The following NFX1 variants were observed in gnomAD, a reference collection of about 807,000 sequenced individuals.
NFX1 encodes nuclear transcription factor, X-box binding 1.
In NFX1, 69 loss-of-function variants were observed where a neutral mutation model predicts 137.2. The ratio of observed to expected loss-of-function variants is 0.50; its 90% CI spans 0.41 to 0.61. NFX1 has a LOEUF of 0.61. Ranked by LOEUF, NFX1 falls within the 20% of genes least tolerant of loss-of-function variation. The probability of loss-of-function intolerance (pLI) is 0.00; values close to 1 mark genes in which losing one functional copy is unlikely to be tolerated. For synonymous variants in NFX1, 495 were observed against 474.1 expected (o/e 1.04, Z -0.57); for missense variants, 1,167 against 1,391.0 (o/e 0.84, Z 2.56).
At chr9:33,343,249 ATTTATC>A (rs1823293524) in intron 13 of NFX1, among the ~76,000 whole-genome samples, 3 of 152,290 alleles carry the variant, frequency 2.0e-5, no homozygotes, top group Admixed American at 1.3e-4. Flanking sequence ...TGTGAATTGT[ATTTATC>A]TTTATCTACC....
chr9:33,342,132 A>T (rs1335488802), intron 12 of NFX1, among the ~76,000 whole-genome samples: 3 of 147,888 alleles, frequency 2.0e-5, no homozygotes, highest in African/African-American at 5.1e-5. Context: ...TCTCTCTCAC[A>T]CACACACACA....
rs113334795 is a variant in NFX1 at position 33,313,113 on chromosome 9, G to T, written c.1449-541G>T. On this transcript the variant is annotated intron_variant, in intron 6 of 23. Coordinates refer to ENST00000379540, the MANE Select transcript of NFX1 (RefSeq NM_002504.6). ...CTGTGGAAGCTCCAGGCAGAGCTAGGACCAGAACCCAGATCTTCTAACTCC... is the reference window on the plus strand; with the variant it reads ...CTGTGGAAGCTCCAGGCAGAGCTAGTACCAGAACCCAGATCTTCTAACTCC... Among the ~76,000 whole-genome samples, 3 of 152,226 alleles carry T rather than the reference G, an allele frequency of 2.0e-5. 1 individual carries two copies. The highest frequency in any genetic ancestry group is 7.2e-5 in the African/African-American group (3 of 41,506).
chr9:33,302,934 C>T (rs1460651854), intron 3 of NFX1, among the ~76,000 whole-genome samples: 1 of 147,034 alleles, frequency 6.8e-6, no homozygotes, highest in African/African-American at 2.5e-5. Flanking sequence ...TCACAAAGCG[C>T]TGGGATTATA....
intron 18 of NFX1, 135 bp downstream of exon 18, chr9:33,354,322 G>A (rs941521638): frequency 4.1e-6 from 3 of 728,236 alleles, no homozygotes; most frequent in South Asian, 1.9e-5. Context: ...ACAATTTGAT[G>A]TTGAGACATC....
At position 33,356,729 on chromosome 9, in the gene NFX1, C is replaced by T. The variant is rs115836298; in HGVS notation, c.2873+1837C>T. 4.6e-3 allele frequency among the ~76,000 whole-genome samples: 705 copies of T among 152,128 alleles called. 6 individuals carry two copies. Among genetic ancestry groups the T allele is most frequent in the African/African-American group, 0.016 (684 of 41,500 alleles). Reference sequence around the variant, plus strand: ...TTTTTCCACGTGAATATCCATTTGACGAGTACCAAGATTGTCCTTTTCCCA... The same window carrying T: ...TTTTTCCACGTGAATATCCATTTGATGAGTACCAAGATTGTCCTTTTCCCA... On this transcript the variant is annotated intron_variant, in intron 19 of 23. Transcript: ENST00000379540.
At chr9:33,363,465 G>A (rs1487860754) in intron 19 of NFX1, among the ~76,000 whole-genome samples, 2 of 151,716 alleles carry the variant, frequency 1.3e-5, no homozygotes, top group Non-Finnish European at 2.9e-5. Context: ...TGTATTTTTA[G>A]TAGAGACAGG....
intron 11 of NFX1, among the ~76,000 whole-genome samples, chr9:33,335,149 T>C (rs1033984622): frequency 3.3e-5 from 5 of 152,164 alleles, no homozygotes; most frequent in African/African-American, 1.2e-4. Flanking sequence ...CAGTGGCACT[T>C]AGTTCTTTCA....
At chr9:33,364,564 CCTT>C (rs1371817377) in intron 20 of NFX1, 141 bp from the exon 21 acceptor site, 3 of 940,510 alleles carry the variant, frequency 3.2e-6, no homozygotes, top group South Asian at 1.9e-5. Context: ...CGTCAGTCAT[CCTT>C]CTGTTTTCTG....
chr9:33,290,605 C>G lies in NFX1; in HGVS notation c.25+8C>G. ...AGGCGCCTCCTGTCTCAGGTATTGT[C>G]CCGGCCCGAGCGGGACTGGGCCCCT... is the stretch of plus-strand genomic sequence containing the variant. On this transcript the variant is annotated splice_region_variant and intron_variant, in intron 1 of 23. Coordinates refer to ENST00000379540, the MANE Select transcript of NFX1 (RefSeq NM_002504.6). The G allele has an allele frequency of 1.2e-6, 2 of 1,612,748 alleles. No homozygotes were observed. The highest frequency in any genetic ancestry group is 1.7e-6 in the Non-Finnish European group (2 of 1,179,634).
At position 33,294,842 on chromosome 9, in the gene NFX1, A is replaced by G. The variant is rs1441718473; in HGVS notation, c.448A>G (p.Ser150Gly). The change falls in exon 2 of 24, where the codon AGT becomes GGT. Residue 150 changes from serine (S) to glycine (G), a missense_variant. Coordinates refer to ENST00000379540, the MANE Select transcript of NFX1 (RefSeq NM_002504.6). ...SESGTDLREH[S>G]PSESEKEVVG... ...GAGTGGGACAGACCTCAGAGAGCAT[A>G]GTCCTTCTGAGAGTGAGAAGGAAGT... is the stretch of plus-strand genomic sequence containing the variant. 1 of 1,614,196 alleles carries G rather than the reference A, an allele frequency of 6.2e-7. No homozygotes were observed. The highest frequency in any genetic ancestry group is 1.7e-5 in the Admixed American group (1 of 60,016).
Position 33,295,300 on chromosome 9 carries a change from C to T in NFX1, c.906C>T (p.Val302=). 6.2e-7 allele frequency: 1 copy of T among 1,614,164 alleles called. No individual in the cohort carries two copies. Among genetic ancestry groups the T allele is most frequent in the Non-Finnish European group, 8.5e-7 (1 of 1,180,040 alleles). The change falls in exon 2 of 24, where the codon GTC becomes GTT. Residue 302 remains valine (V), a synonymous_variant. Transcript: ENST00000379540. ...CCTGTGACAGTGAGAACTTGGCAGT[C>T]ATCAACAAGTCTTCCAGGAGGGTTG... is the stretch of plus-strand genomic sequence containing the variant. ...KSTCDSENLA[V]INKSSRRVDQ...
chr9:33,301,186 G>A (rs1821549779), intron 2 of NFX1, 77 bp from the exon 3 acceptor site: 1 of 1,310,922 alleles, frequency 7.6e-7, no homozygotes, highest in African/African-American at 1.5e-5. Flanking sequence ...GTGACTTGCT[G>A]ATCCTTGGTT....
At chr9:33,300,945 A>G (rs1487027048) in intron 2 of NFX1, among the ~76,000 whole-genome samples, 3 of 152,222 alleles carry the variant, frequency 2.0e-5, no homozygotes, top group Admixed American at 6.5e-5. Flanking sequence ...GCAAAGCAAG[A>G]TCCTGTATTG....
At chr9:33,342,698 TATAAA>T in intron 12 of NFX1, 43 bp from the exon 13 acceptor site, 1 of 1,267,114 alleles carries the variant, frequency 7.9e-7, no homozygotes, top group Non-Finnish European at 1.1e-6. Context: ...TTATGGAAAA[TATAAA>T]ATGAAGACCA....
At chr9:33,300,710 G>A (rs1204057915) in intron 2 of NFX1, among the ~76,000 whole-genome samples, 1 of 152,178 alleles carries the variant, frequency 6.6e-6, no homozygotes, top group East Asian at 1.9e-4. Context: ...TGGAGCCAGG[G>A]ACTGTAACAC....
intron 15 of NFX1, chr9:33,348,809 A>G (rs954355338): frequency 6.1e-5 from 60 of 983,290 alleles, no homozygotes; most frequent in Non-Finnish European, 6.2e-5. Flanking sequence ...ATAAACCACC[A>G]GACGTGGTAC....
At chr9:33,363,047 C>T (rs770246849) in intron 19 of NFX1, among the ~76,000 whole-genome samples, 15 of 151,632 alleles carry the variant, frequency 9.9e-5, no homozygotes, top group Middle Eastern at 6.9e-3. Flanking sequence ...TGATGGTTAA[C>T]GGTAAGGTGT....
intron 19 of NFX1, among the ~76,000 whole-genome samples, chr9:33,360,623 A>C (rs1426421816): frequency 6.6e-6 from 1 of 152,244 alleles, no homozygotes; most frequent in Non-Finnish European, 1.5e-5. Flanking sequence ...ATATATACAC[A>C]CACATATATA....
At chr9:33,363,430 C>T (rs910786471) in intron 19 of NFX1, among the ~76,000 whole-genome samples, 2 of 151,618 alleles carry the variant, frequency 1.3e-5, no homozygotes, top group African/African-American at 4.8e-5. Flanking sequence ...ATTACAGGCA[C>T]GTGCTACCAC....
Sources: gnomAD v4.1 joint callset for allele counts (sites outside exome capture counted in the v4.1 genomes callset) on GRCh38, gnomAD v4.1.1 for gene constraint, MANE v1.5 for transcripts, NCBI Gene and HGNC (gene_info 2026-07-23, HGNC 2026-07-21) for gene names.